The following EPB41L1 variants were observed in gnomAD, a reference collection of about 807,000 sequenced individuals.
EPB41L1 encodes band 4.1-like protein 1.
In EPB41L1, 29 loss-of-function variants were observed where a neutral mutation model predicts 97.8. The ratio of observed to expected loss-of-function variants is 0.30; its 90% CI spans 0.22 to 0.40. The LOEUF is 0.40. EPB41L1 is among the 10% of genes least tolerant of loss of function. The pLI is 1.00. For missense variants in EPB41L1, 812 were observed against 1,162.3 expected, an observed-to-expected ratio of 0.70 and a Z score of 4.38; for synonymous variants, 383 against 459.2, an observed-to-expected ratio of 0.83 and a Z score of 2.12.
At chr20:36,178,108 A>G (rs756178133) in intron 4 of EPB41L1, 52 bp downstream of exon 4, 257 of 1,338,660 alleles carry the variant, frequency 1.9e-4, no homozygotes, top group Non-Finnish European at 2.6e-4. Flanking sequence ...AGGCTCCTGT[A>G]ATCCTGGCCA....
rs540247816 is a variant in EPB41L1 at position 36,207,643 on chromosome 20, T to C, written c.1669-1845T>C. 19 of 1,290,004 alleles carry C rather than the reference T, an allele frequency of 1.5e-5. No homozygotes were observed. The African/African-American group carries it at 2.7e-4, about 19-fold the overall frequency. The allele number at this position is 1,290,004 out of a possible 1,614,324, so 79.9% of individuals were successfully genotyped here. A position where few individuals can be genotyped will look rare whatever the true frequency, so the allele number is the denominator to read the frequency against. On this transcript the variant is annotated intron_variant, in intron 14 of 21. Coordinates refer to ENST00000338074, the MANE Select transcript of EPB41L1 (RefSeq NM_012156.2). The surrounding 1 kb of genome is among the most constrained non-coding windows in gnomAD (Gnocchi z 4.9). ...CTTTGCCAGCCCCAAAGCCACACAT[T>C]CCACAGTGATACCTCTGGCTACCAG...
Position 36,195,500 on chromosome 20 carries a change from C to A in EPB41L1, c.1485+136C>A. ...ACTTCATCTCTGCTCCCCAGCCATCCCCCTCTGCAGCCGTCCTTGCTCCCC... is the reference window on the plus strand; with the variant it reads ...ACTTCATCTCTGCTCCCCAGCCATCACCCTCTGCAGCCGTCCTTGCTCCCC... On this transcript the variant is annotated intron_variant, in intron 13 of 21. Transcript: ENST00000338074. The surrounding 1 kb of genome is among the most constrained non-coding windows in gnomAD (Gnocchi z 4.6). The A allele has an allele frequency of 9.5e-7, 1 of 1,049,610 alleles. No individual in the cohort carries two copies. The highest frequency in any genetic ancestry group is 1.4e-6 in the Non-Finnish European group (1 of 691,752). 65.0% of individuals were successfully genotyped at this position (1,049,610 alleles called of 1,614,324 possible).
chr20:36,189,922 C>A (rs927060044), intron 9 of EPB41L1, among the ~76,000 whole-genome samples: 1 of 152,152 alleles, frequency 6.6e-6, no homozygotes, highest in African/African-American at 2.4e-5. Flanking sequence ...GAATGACTCA[C>A]GTCTGTAATC....
At chr20:36,194,853 C>T (rs2062117206) in intron 12 of EPB41L1, among the ~76,000 whole-genome samples, 1 of 152,162 alleles carries the variant, frequency 6.6e-6, no homozygotes, top group African/African-American at 2.4e-5. Flanking sequence ...CTCAGCCTCA[C>T]ACTCACTTAA....
intron 21 of EPB41L1, among the ~76,000 whole-genome samples, chr20:36,223,360 G>T (rs763376457): frequency 2.0e-5 from 3 of 152,214 alleles, no homozygotes; most frequent in Non-Finnish European, 4.4e-5. Context: ...TCTGAGACCT[G>T]CAGGAGCCAA....
At chr20:36,188,808 C>T (rs6060850) in intron 9 of EPB41L1, among the ~76,000 whole-genome samples, 2,978 of 150,264 alleles carry the variant, frequency 0.02, 66 homozygotes, top group African/African-American at 0.056. Flanking sequence ...GGTGAAACCC[C>T]GTCTCTACTA....
chr20:36,161,672 A>G (rs1015195308), intron 1 of EPB41L1, among the ~76,000 whole-genome samples: 1 of 151,852 alleles, frequency 6.6e-6, no homozygotes, highest in Non-Finnish European at 1.5e-5. Flanking sequence ...ACAGGTTATC[A>G]CTGTGTTGGC....
intron 14 of EPB41L1, among the ~76,000 whole-genome samples, chr20:36,205,223 T>C (rs976650707): frequency 1.3e-5 from 2 of 152,350 alleles, no homozygotes; most frequent in East Asian, 3.9e-4. Flanking sequence ...TGGAACTTAA[T>C]GCATCCCTTC....
chr20:36,207,744 CT>C lies in EPB41L1; in HGVS notation c.1669-1743del, dbSNP rs749349692. The C allele has an allele frequency of 1.1e-5, 14 of 1,289,734 alleles. No homozygotes were observed. Among genetic ancestry groups the C allele is most frequent in the Middle Eastern group, 2.1e-4 (1 of 4,716 alleles). The allele number at this position is 1,289,734 out of a possible 1,614,324, so 79.9% of individuals were successfully genotyped here. ...TAGAGCCCGTGTCCCCCAATTCAGG[CT>C]GTGAAACCACGCTGGCAGAAGCTAC... On this transcript the variant is annotated intron_variant, in intron 14 of 21. Coordinates refer to ENST00000338074, the MANE Select transcript of EPB41L1 (RefSeq NM_012156.2). This position sits in a 1 kb window ranked among gnomAD's most constrained non-coding sequence, Gnocchi z 4.9.
At chr20:36,110,911 G>C (rs140008158) in intron 1 of EPB41L1, 2 of 152,210 alleles carry the variant, frequency 1.3e-5, no homozygotes, top group Non-Finnish European at 2.9e-5. Context: ...GTACAACCTA[G>C]TGGTTTAGCT....
At chr20:36,177,756 C>T (rs2061310364) in intron 3 of EPB41L1, among the ~76,000 whole-genome samples, 196 bp from the exon 4 acceptor site, 1 of 152,252 alleles carries the variant, frequency 6.6e-6, no homozygotes, top group Admixed American at 6.5e-5. Flanking sequence ...CATCAAGGAG[C>T]TGGCCATTGT....
At chr20:36,222,044 G>A in intron 20 of EPB41L1, 100 bp downstream of exon 20, 1 of 1,292,484 alleles carries the variant, frequency 7.7e-7, no homozygotes, top group Non-Finnish European at 1.1e-6. Context: ...GGCAGAGAAG[G>A]TGTCCACTTC....
At position 36,232,572 on chromosome 20, in the gene EPB41L1, T is replaced by C. The variant is rs925458198; in HGVS notation, c.*3232T>C. ...CAGTTTTTGAATCCTGCAAGCACAT[T>C]CCAAGACTGGCCTGAAACTGCATGA... On this transcript the variant is annotated 3_prime_UTR_variant, in exon 22 of 22. Transcript: ENST00000338074. The C allele has an allele frequency of 8.0e-5, 32 of 398,962 alleles. No individual in the cohort carries two copies. In the Admixed American group the frequency reaches 9.7e-4, roughly 12 times the overall value. 24.7% of individuals were successfully genotyped at this position (398,962 alleles called of 1,614,324 possible).
intron 2 of EPB41L1, among the ~76,000 whole-genome samples, chr20:36,137,319 G>A (rs74568024): frequency 1.6e-3 from 239 of 150,972 alleles, no homozygotes; most frequent in African/African-American, 5.5e-3. Flanking sequence ...CAAGTAATCC[G>A]TATGCCTCAG....
intron 12 of EPB41L1, 99 bp downstream of exon 12, chr20:36,194,459 C>T: frequency 6.9e-7 from 1 of 1,448,774 alleles, no homozygotes; most frequent in Non-Finnish European, 9.4e-7. Context: ...CAGCTGTGGC[C>T]AAGCACCCTT....
intron 14 of EPB41L1, among the ~76,000 whole-genome samples, chr20:36,202,334 G>A (rs559679391): frequency 4.7e-4 from 72 of 152,336 alleles, no homozygotes; most frequent in Admixed American, 2.9e-3. Flanking sequence ...CAGCCTGTAG[G>A]TCTCATTCTG....
intron 2 of EPB41L1, among the ~76,000 whole-genome samples, chr20:36,121,243 T>C (rs893644254): frequency 1.3e-5 from 2 of 152,100 alleles, no homozygotes. Flanking sequence ...TTTTTGTTGT[T>C]TATGAGCCAC....
At chr20:36,158,455 A>AG (rs2060401511) in intron 1 of EPB41L1, among the ~76,000 whole-genome samples, 1 of 152,140 alleles carries the variant, frequency 6.6e-6, no homozygotes, top group Admixed American at 6.5e-5. Context: ...CGATGGTTGA[A>AG]GGGGGAAGGG....
intron 6 of EPB41L1, 81 bp downstream of exon 6, chr20:36,182,428 A>G: frequency 2.0e-6 from 3 of 1,471,096 alleles, no homozygotes; most frequent in East Asian, 4.5e-5. Context: ...GGACACAGGC[A>G]GTATGTGACA....
Sources: gnomAD v4.1 joint callset for allele counts (sites outside exome capture counted in the v4.1 genomes callset) on GRCh38, gnomAD v4.1.1 for gene constraint, Gnocchi (gnomAD v3.1) non-coding constraint, MANE v1.5 for transcripts, NCBI Gene and HGNC (gene_info 2026-07-23, HGNC 2026-07-21) for gene names.